LAMA5: variants seen among roughly 807,000 people sequenced by gnomAD.
LAMA5 encodes the protein laminin subunit alpha-5.
In LAMA5, 260 loss-of-function variants were observed where a neutral mutation model predicts 433.4. That is an observed-to-expected ratio of 0.60 (90% CI 0.54 to 0.66). The LOEUF is 0.66. Ranked by LOEUF, LAMA5 falls within the 30% of genes least tolerant of loss-of-function variation. The probability of loss-of-function intolerance (pLI) is 0.00; values close to 1 mark genes in which losing one functional copy is unlikely to be tolerated. For missense variants in LAMA5, 5,378 were observed against 5,258.5 expected (o/e 1.02, Z -0.70); for synonymous variants, 2,620 against 2,226.6 (o/e 1.18, Z -4.97).
chr20:62,311,717 G>T lies in LAMA5; in HGVS notation c.9703C>A (p.Gln3235Lys), dbSNP rs1373083183. 1 of 1,564,752 alleles carries T rather than the reference G, an allele frequency of 6.4e-7. No individual in the cohort carries two copies. The highest frequency in any genetic ancestry group is 8.7e-7 in the Non-Finnish European group (1 of 1,155,842). ...CTCGGGGGCCCCTCAGGCTGCGGCT[G>T]GAGCTCGGGGGGTGGTCCCCGGTGG... ...KPHRGPPPEL[Q>K]PQPEGPPRLL... The change falls in exon 71 of 80, where the codon CAG (glutamine) becomes AAG (lysine). Residue 3235 changes from glutamine to lysine, a missense_variant. Transcript: ENST00000252999.
intron 6 of LAMA5, among the ~76,000 whole-genome samples, chr20:62,347,756 G>A (rs935648297): frequency 6.6e-6 from 1 of 152,198 alleles, no homozygotes; most frequent in African/African-American, 2.4e-5. Flanking sequence ...AGGCTCTGCC[G>A]GAGGCTGCAG....
intron 36 of LAMA5, 49 bp from the exon 37 acceptor site, chr20:62,327,718 ACCCCG>A: frequency 6.2e-7 from 1 of 1,600,150 alleles, no homozygotes; most frequent in Non-Finnish European, 8.5e-7. Flanking sequence ...CAGGTGCCTG[ACCCCG>A]GGTTCCTGGT....
chr20:62,349,584 A>G (rs139567453), intron 6 of LAMA5, among the ~76,000 whole-genome samples: 80 of 131,340 alleles, frequency 6.1e-4, no homozygotes, highest in Non-Finnish European at 1.1e-3. Context: ...TTCCGGATAG[A>G]CTGTCATGGA....
In LAMA5 at chr20:62,323,848, T is replaced by C. The variant is rs1035842058; in HGVS notation, c.5777A>G (p.Glu1926Gly). 5.0e-6 allele frequency: 8 copies of C among 1,605,366 alleles called. No individual in the cohort carries two copies. Among genetic ancestry groups the C allele is most frequent in the Non-Finnish European group, 6.8e-6 (8 of 1,176,260 alleles). Residue 1926 changes from glutamate to glycine, a missense_variant, in exon 44 of 80, where the codon GAG (glutamate) becomes GGG (glycine). Physicochemically the swap from Glu to Gly is moderately conservative, Grantham distance 98. Transcript: ENST00000252999. ...PLSVPSNNFA[E>G]GCVLRGGRTQ... ...GCGGCCGCCTCGCAGGACACAGCCC[T>C]CGGCGAAGCTGCAAAGACCAGCAGC...
At position 62,311,172 on chromosome 20, in the gene LAMA5, G is replaced by A. The variant is rs1383967295; in HGVS notation, c.10078C>T (p.His3360Tyr). 6.3e-7 allele frequency: 1 copy of A among 1,597,512 alleles called. No homozygotes were observed. The highest frequency in any genetic ancestry group is 1.3e-5 in the African/African-American group (1 of 74,236). ...CGGGCCTGGCCTTACCAGTTCCTAT[G>A]TCGGGCCAGGATGCCCACAAACTCC... ...HLEFVGILAR[H>Y]RNWPSLSMHV... The change falls in exon 73 of 80, where the codon CAT (histidine) becomes TAT (tyrosine). Residue 3360 changes from histidine (H) to tyrosine (Y), a missense_variant. Transcript: ENST00000252999.
Position 62,316,232 on chromosome 20 carries a change from A to G in LAMA5, c.7757-174T>C, listed in dbSNP as rs2065578. 0.99 allele frequency: 599,526 copies of G among 605,624 alleles called. 296,888 individuals carry two copies. The highest frequency in any genetic ancestry group is 1 in the East Asian group (36,276 of 36,276). 37.5% of individuals were successfully genotyped at this position (605,624 alleles called of 1,614,324 possible). A position where few individuals can be genotyped will look rare whatever the true frequency, so the allele number is the denominator to read the frequency against. ...GTGGGGAGGTGTTGAGTCTCAGCGT[A>G]GCCTCTGTTCCCTGAAGGCCTCTGG... On this transcript the variant is annotated intron_variant, in intron 57 of 79. Coordinates refer to ENST00000252999, the MANE Select transcript of LAMA5 (RefSeq NM_005560.6).
chr20:62,315,002 G>T, intron 59 of LAMA5, 26 bp downstream of exon 59: 4 of 1,578,402 alleles, frequency 2.5e-6, no homozygotes, highest in Non-Finnish European at 3.4e-6. Flanking sequence ...CCTCCATCAG[G>T]GGCACCGCGA....
intron 43 of LAMA5, 63 bp from the exon 44 acceptor site, chr20:62,323,919 CTG>C: frequency 4.0e-6 from 6 of 1,500,652 alleles, no homozygotes; most frequent in South Asian, 1.2e-5. Context: ...GGCGAGCACA[CTG>C]TGCTCCGGCT....
chr20:62,311,306 G>A lies in LAMA5; in HGVS notation c.9944C>T (p.Ala3315Val). Residue 3315 changes from alanine (A) to valine (V), a missense_variant and splice_region_variant, in exon 73 of 80, where the codon GCC becomes GTC. Transcript: ENST00000252999. ...GGCGGGCTGACGGCTGCGGCGGGAG[G>A]CCTGGGGGCGTGGATGGTGAATGCA... ...PRGLQATARK[A>V]SRRSRQPARH... is the part of the protein sequence containing the mutation. 6.4e-7 allele frequency: 1 copy of A among 1,569,644 alleles called. No homozygotes were observed. Among genetic ancestry groups the A allele is most frequent in the Non-Finnish European group, 8.6e-7 (1 of 1,160,754 alleles).
At chr20:62,348,237 G>A (rs1472457610) in intron 6 of LAMA5, among the ~76,000 whole-genome samples, 1 of 152,224 alleles carries the variant, frequency 6.6e-6, no homozygotes, top group East Asian at 1.9e-4. Flanking sequence ...TCAGCAGAAA[G>A]AGCCCCAAGA....
intron 11 of LAMA5, among the ~76,000 whole-genome samples, chr20:62,340,267 A>ACT (rs375982844): frequency 1.3e-5 from 2 of 149,188 alleles, no homozygotes; most frequent in African/African-American, 2.4e-5. Context: ...GAGCAAGGGT[A>ACT]CTGTGGGTTT....
Position 62,315,054 on chromosome 20 carries a change from T to TG in LAMA5, c.8020dup (p.Gln2674ProfsTer5), listed in dbSNP as rs1986796777. The TG allele has an allele frequency of 6.3e-7, 1 of 1,598,778 alleles. No homozygotes were observed. Among genetic ancestry groups the TG allele is most frequent in the Non-Finnish European group, 8.5e-7 (1 of 1,178,484 alleles). On this transcript the variant is annotated frameshift_variant, in exon 59 of 80. Transcript: ENST00000252999. LOFTEE classifies it high-confidence loss of function. ...TGAGTGGCCTGCGTCAAGCACTGCCTGGCCCAGGTCCTGGCCCCGCAGGCC... is the reference window on the plus strand; with the variant it reads ...TGAGTGGCCTGCGTCAAGCACTGCCTGGGCCCAGGTCCTGGCCCCGCAGGCC...
intron 6 of LAMA5, among the ~76,000 whole-genome samples, chr20:62,348,529 C>T (rs955444764): frequency 2.0e-5 from 3 of 152,046 alleles, no homozygotes; most frequent in Non-Finnish European, 2.9e-5. Flanking sequence ...ATGGCACGAA[C>T]CTGGGAGGTG....
rs570954207 is a variant in LAMA5, at chr20:62,330,395, G to A, written c.3979+93C>T. On this transcript the variant is annotated intron_variant, in intron 31 of 79. Coordinates refer to ENST00000252999, the MANE Select transcript of LAMA5 (RefSeq NM_005560.6). ...GCAGGACAGAGTCATGTTGCCTGTC[G>A]CTCATAGCAGGTAGCACAGGCCACG... The A allele has an allele frequency of 3.5e-5, 49 of 1,413,772 alleles. No individual in the cohort carries two copies. The South Asian group carries it at 3.6e-4, about 10-fold the overall frequency. 87.6% of individuals were successfully genotyped at this position (1,413,772 alleles called of 1,614,324 possible).
intron 40 of LAMA5, chr20:62,326,359 G>A: frequency 3.7e-6 from 1 of 273,230 alleles, no homozygotes; most frequent in Non-Finnish European, 6.9e-6. Flanking sequence ...AAAAAGATTT[G>A]CAAGTCAAAG....
At chr20:62,333,064 G>A in intron 26 of LAMA5, 26 bp downstream of exon 26, 1 of 1,471,404 alleles carries the variant, frequency 6.8e-7, no homozygotes, top group Non-Finnish European at 9.0e-7. Context: ...AACACCCATT[G>A]CTCCGTGGGG....
At chr20:62,340,077 A>C (rs1030880145) in intron 11 of LAMA5, among the ~76,000 whole-genome samples, 3 of 152,156 alleles carry the variant, frequency 2.0e-5, no homozygotes, top group Non-Finnish European at 4.4e-5. Flanking sequence ...AGGGAAGCTC[A>C]GGCATGTCAC....
At chr20:62,341,145 C>T (rs1264001073) in intron 11 of LAMA5, among the ~76,000 whole-genome samples, 1 of 152,102 alleles carries the variant, frequency 6.6e-6, no homozygotes, top group Non-Finnish European at 1.5e-5. Flanking sequence ...ATTCCAAAGA[C>T]AAAAGGCAGA....
At chr20:62,363,523 G>A (rs1986388859) in intron 1 of LAMA5, among the ~76,000 whole-genome samples, 1 of 152,158 alleles carries the variant, frequency 6.6e-6, no homozygotes, top group Non-Finnish European at 1.5e-5. Context: ...TGGCAGGGGA[G>A]GGGTAGTGCT....
Sources: allele counts gnomAD v4.1 joint callset (sites outside exome capture counted in the v4.1 genomes callset), GRCh38; gene constraint gnomAD v4.1.1; transcripts MANE v1.5; gene names NCBI Gene and HGNC (gene_info 2026-07-23, HGNC 2026-07-21).